Variants in SLC9A9 observed in about 807,000 individuals in gnomAD.
The protein encoded by SLC9A9 is sodium/hydrogen exchanger 9.
A neutral mutation model predicts 77.8 loss-of-function variants in SLC9A9; 62 were observed. The observed-to-expected ratio is 0.80, with a 90% CI of 0.65 to 0.98. The LOEUF is 0.98. Ranked by LOEUF, SLC9A9 falls within the 50% of genes least tolerant of loss-of-function variation. The pLI is 0.00. For synonymous variants in SLC9A9, 320 were observed against 283.5 expected, an observed-to-expected ratio of 1.13 and a Z score of -1.29; for missense variants, 775 against 774.9, an observed-to-expected ratio of 1.00 and a Z score of 0.00.
In SLC9A9 at chr3:143,795,379, G is replaced by C. The variant is rs139034699; in HGVS notation, c.457-302C>G. Among the ~76,000 whole-genome samples, 470 of 151,938 alleles carry C rather than the reference G, an allele frequency of 3.1e-3. 2 individuals are homozygous for C. Among genetic ancestry groups the C allele is most frequent in the African/African-American group, 0.011 (445 of 41,388 alleles). ...GGACCTGAGAGGGAAGCAAGGAACT[G>C]GGCAATGTCTATGCCAGAATCGGGG... On this transcript the variant is annotated intron_variant, in intron 3 of 15. Coordinates refer to ENST00000316549, the MANE Select transcript of SLC9A9 (RefSeq NM_173653.4).
At chr3:143,755,579 T>C (rs1169436308) in intron 4 of SLC9A9, among the ~76,000 whole-genome samples, 1 of 152,172 alleles carries the variant, frequency 6.6e-6, no homozygotes, top group East Asian at 1.9e-4. Flanking sequence ...TCCATAGATA[T>C]TTATTGTGAG....
At position 143,386,678 on chromosome 3, in the gene SLC9A9, TC is replaced by T. The variant is rs2033434408; in HGVS notation, c.1470-4565del. 2.6e-5 allele frequency among the ~76,000 whole-genome samples: 4 copies of T among 152,186 alleles called. No individual in the cohort carries two copies. In the East Asian group the frequency reaches 7.7e-4, roughly 29 times the overall value. On this transcript the variant is annotated intron_variant, in intron 12 of 15. Coordinates refer to ENST00000316549, the MANE Select transcript of SLC9A9 (RefSeq NM_173653.4). ...ACTGATTACTTTCAGAGATAAGCCC[TC>T]CTAGTCCTTGTTTCTGCACTGGACA...
chr3:143,601,474 TG>T (rs1440860428), intron 6 of SLC9A9, among the ~76,000 whole-genome samples: 1 of 152,224 alleles, frequency 6.6e-6, no homozygotes, highest in Admixed American at 6.5e-5. Flanking sequence ...TTGAATGACT[TG>T]GCGAAATCCA....
intron 9 of SLC9A9, among the ~76,000 whole-genome samples, chr3:143,505,804 A>G (rs977588570): frequency 3.3e-5 from 5 of 152,226 alleles, no homozygotes; most frequent in African/African-American, 7.2e-5. Flanking sequence ...GCTACAAGGA[A>G]TTGAGCTTCA....
intron 13 of SLC9A9, among the ~76,000 whole-genome samples, chr3:143,380,339 A>G (rs2033274528): frequency 6.6e-6 from 1 of 152,220 alleles, no homozygotes; most frequent in African/African-American, 2.4e-5. Flanking sequence ...CAATAACAGT[A>G]TATGTGATTG....
At chr3:143,373,945 T>C (rs2033115787) in intron 13 of SLC9A9, among the ~76,000 whole-genome samples, 1 of 152,100 alleles carries the variant, frequency 6.6e-6, no homozygotes, top group African/African-American at 2.4e-5. Flanking sequence ...ATGAAAAATA[T>C]CAACCAAGAG....
At chr3:143,823,395 C>T (rs7641674) in intron 2 of SLC9A9, among the ~76,000 whole-genome samples, 50,734 of 152,040 alleles carry the variant, frequency 0.33, 8,701 homozygotes, top group African/African-American at 0.43. Flanking sequence ...TGGGGACATT[C>T]GGGGTGAAGA....
intron 6 of SLC9A9, among the ~76,000 whole-genome samples, chr3:143,622,685 T>C (rs905121683): frequency 1.1e-4 from 17 of 152,280 alleles, no homozygotes; most frequent in South Asian, 8.3e-4. Context: ...AGACCATCGA[T>C]GCTAGGAAGA....
At chr3:143,465,801 G>A (rs1477891093) in intron 12 of SLC9A9, among the ~76,000 whole-genome samples, 5 of 152,168 alleles carry the variant, frequency 3.3e-5, no homozygotes, top group African/African-American at 9.7e-5. Context: ...GAAAGAAATT[G>A]CAAGTCACAT....
chr3:143,391,495 T>A (rs1360746399), intron 12 of SLC9A9, among the ~76,000 whole-genome samples: 3 of 152,034 alleles, frequency 2.0e-5, no homozygotes, highest in African/African-American at 7.2e-5. Context: ...ACCACAAAGA[T>A]GGGGAAAAAA....
intron 4 of SLC9A9, among the ~76,000 whole-genome samples, chr3:143,782,819 C>T (rs57565836): frequency 0.055 from 8,422 of 152,208 alleles, 381 homozygotes; most frequent in African/African-American, 0.13. Flanking sequence ...TAGCAGGGAA[C>T]ATACAAAAGG....
intron 2 of SLC9A9, among the ~76,000 whole-genome samples, chr3:143,805,726 A>C (rs932892876): frequency 9.9e-5 from 15 of 151,900 alleles, no homozygotes; most frequent in Non-Finnish European, 1.8e-4. Context: ...CACCTTGTGT[A>C]CCCCGCTCCT....
intron 4 of SLC9A9, among the ~76,000 whole-genome samples, chr3:143,720,417 C>T (rs2108802155): frequency 6.6e-6 from 1 of 152,304 alleles, no homozygotes; most frequent in South Asian, 2.1e-4. Context: ...AAAGTCAGAA[C>T]TAGGACTATG....
At chr3:143,751,477 C>T (rs1368320134) in intron 4 of SLC9A9, among the ~76,000 whole-genome samples, 1 of 152,134 alleles carries the variant, frequency 6.6e-6, no homozygotes, top group Non-Finnish European at 1.5e-5. Flanking sequence ...ATGCTATAAA[C>T]ATATGAAGAC....
At position 143,291,287 on chromosome 3, in the gene SLC9A9, C is replaced by T. The variant is rs559379901; in HGVS notation, c.1605-22307G>A. Among the ~76,000 whole-genome samples, 10 of 152,300 alleles carry T rather than the reference C, an allele frequency of 6.6e-5. No individual in the cohort carries two copies. The East Asian group carries it at 7.7e-4, about 12-fold the overall frequency. On this transcript the variant is annotated intron_variant, in intron 14 of 15. Transcript: ENST00000316549. ...GCTGATTTGGCTGTCAGTTTCTGCT[C>T]GTCGAAGTGCTAAGCCGATGAGACT...
intron 4 of SLC9A9, among the ~76,000 whole-genome samples, chr3:143,761,363 G>A (rs753127308): frequency 6.6e-6 from 1 of 152,158 alleles, no homozygotes; most frequent in Non-Finnish European, 1.5e-5. Flanking sequence ...AAACTAAAGA[G>A]CTTCTGCACA....
At chr3:143,688,507 C>T (rs376793505) in intron 5 of SLC9A9, among the ~76,000 whole-genome samples, 160 of 152,182 alleles carry the variant, frequency 1.1e-3, no homozygotes, top group African/African-American at 3.4e-3. Flanking sequence ...AGAATATCTA[C>T]GTATGGCAGA....
intron 6 of SLC9A9, among the ~76,000 whole-genome samples, chr3:143,587,241 AC>A (rs765834915): frequency 1.1e-4 from 17 of 152,178 alleles, no homozygotes; most frequent in Non-Finnish European, 2.5e-4. Context: ...CACTGAAGGT[AC>A]TGCAGGGAAC....
At position 143,478,208 on chromosome 3, in the gene SLC9A9, T is replaced by A. The variant is rs148092872; in HGVS notation, c.1316-11018A>T. Among the ~76,000 whole-genome samples, 332 of 152,272 alleles carry A rather than the reference T, an allele frequency of 2.2e-3. 1 individual carries two copies. Among genetic ancestry groups the A allele is most frequent in the African/African-American group, 7.5e-3 (311 of 41,540 alleles). On this transcript the variant is annotated intron_variant, in intron 11 of 15. Coordinates refer to ENST00000316549, the MANE Select transcript of SLC9A9 (RefSeq NM_173653.4). ...AGCTCACAATCCTTCCTGAGAGGAG[T>A]GCATTTTAAATACTTGTTAACACAC... is the stretch of plus-strand genomic sequence containing the variant.
Sources: allele counts gnomAD v4.1 joint callset (sites outside exome capture counted in the v4.1 genomes callset), GRCh38; gene constraint gnomAD v4.1.1; transcripts MANE v1.5; gene names NCBI Gene and HGNC (gene_info 2026-07-23, HGNC 2026-07-21).